The following HMCN1 variants were observed in gnomAD, a reference collection of about 807,000 sequenced individuals.
HMCN1 encodes the protein hemicentin 1, also known as hemicentin-1.
In HMCN1, 321 loss-of-function variants were observed where a neutral mutation model predicts 625.9. The observed-to-expected ratio is 0.51, with a 90% confidence interval of 0.47 to 0.56. HMCN1 has a LOEUF of 0.56. HMCN1 is among the 20% of genes least tolerant of loss of function. HMCN1 has a pLI of 0.00. For missense variants in HMCN1, 6,588 were observed against 6,887.3 expected (o/e 0.96, Z 1.54); for synonymous variants, 2,425 against 2,417.6 (o/e 1.00, Z -0.09).
In HMCN1 at chr1:185,922,485, G is replaced by A; in HGVS notation, c.1007G>A (p.Ser336Asn). The stretch of plus-strand genomic sequence containing the variant: ...ACCCTGGACTTCAAAAAAACAGTCA[G>A]CAGACCAGTGCAAGGTTTGTATGTG... Reference protein sequence around the residue: ...KPTLDFKKTVSRPVQGIPTYV... With the variant: ...KPTLDFKKTVNRPVQGIPTYV... Residue 336 changes from serine (S) to asparagine (N), a missense_variant, in exon 7 of 107, where the codon AGC becomes AAC. This residue lies in a region of HMCN1 where 4,628 missense variants were observed against 4,853.1 expected (regional missense o/e 0.95). Coordinates refer to ENST00000271588, the MANE Select transcript of HMCN1 (RefSeq NM_031935.3). 6.2e-7 allele frequency: 1 copy of A among 1,612,362 alleles called. No individual in the cohort carries two copies. Among genetic ancestry groups the A allele is most frequent in the Non-Finnish European group, 8.5e-7 (1 of 1,178,948 alleles).
rs1667682961 is a variant in HMCN1 at position 185,933,829 on chromosome 1, A to G, written c.1828+5A>G. 1 of 1,612,234 alleles carries G rather than the reference A, an allele frequency of 6.2e-7. No individual in the cohort carries two copies. Among genetic ancestry groups the G allele is most frequent in the Non-Finnish European group, 8.5e-7 (1 of 1,178,614 alleles). On this transcript the variant is annotated splice_donor_5th_base_variant and intron_variant, in intron 11 of 106. Coordinates refer to ENST00000271588, the MANE Select transcript of HMCN1 (RefSeq NM_031935.3). ...CAGTTTTCCTCACAGTGCAAGGTAC[A>G]GTGCTTTGGTAACTTCTGAATTATG...
intron 1 of HMCN1, among the ~76,000 whole-genome samples, chr1:185,814,014 G>A (rs890166497): frequency 2.6e-5 from 4 of 152,102 alleles, no homozygotes; most frequent in Non-Finnish European, 2.9e-5. Context: ...ATGTAAGCAC[G>A]TTTAGCTTAC....
chr1:185,797,256 G>A (rs1409319961), intron 1 of HMCN1, among the ~76,000 whole-genome samples: 1 of 151,928 alleles, frequency 6.6e-6, no homozygotes, highest in Non-Finnish European at 1.5e-5. Context: ...TTTGTCAGAT[G>A]CATACTTTGC....
intron 97 of HMCN1, among the ~76,000 whole-genome samples, chr1:186,154,292 A>G (rs1169076380): frequency 1.3e-5 from 2 of 152,208 alleles, no homozygotes; most frequent in African/African-American, 4.8e-5. Context: ...CTGTAATCCC[A>G]GCACTTTGGG....
Position 186,038,774 on chromosome 1 carries a change from T to A in HMCN1, c.5852-55T>A, listed in dbSNP as rs1373641049. On this transcript the variant is annotated intron_variant, in intron 37 of 106. Coordinates refer to ENST00000271588, the MANE Select transcript of HMCN1 (RefSeq NM_031935.3). ...GTGACTTAGCTAAGATCCAACTTAG[T>A]ATATTTAATTTAAAAAATTTTTACA... is the stretch of plus-strand genomic sequence containing the variant. 7 of 966,800 alleles carry A rather than the reference T, an allele frequency of 7.2e-6. No individual in the cohort carries two copies. In the East Asian group the frequency reaches 1.7e-4, roughly 23 times the overall value. The allele number at this position is 966,800 out of a possible 1,614,324, so 59.9% of individuals were successfully genotyped here. A position where few individuals can be genotyped will look rare whatever the true frequency, so the allele number is the denominator to read the frequency against.
chr1:186,135,997 A>G (rs1331813614), intron 86 of HMCN1, among the ~76,000 whole-genome samples: 1 of 152,168 alleles, frequency 6.6e-6, no homozygotes, highest in East Asian at 1.9e-4. Flanking sequence ...TATTGAATAA[A>G]TGATGGCCAG....
Position 186,120,114 on chromosome 1 carries a change from A to G in HMCN1, c.12198A>G (p.Thr4066=). ...GTGTGGCCCAGAACCCGGCTGGTAC[A>G]GCCTTGGGCAAAATCAAGTTAAATG... ...YMCVAQNPAG[T]ALGKIKLNVQ... is the part of the protein sequence containing the mutation. Residue 4066 remains threonine (T), a synonymous_variant, in exon 80 of 107, where the codon ACA becomes ACG. Transcript: ENST00000271588. 3 of 1,614,010 alleles carry G rather than the reference A, an allele frequency of 1.9e-6. No homozygotes were observed. Among genetic ancestry groups the G allele is most frequent in the Non-Finnish European group, 2.5e-6 (3 of 1,179,948 alleles).
rs1211455574 is a variant in HMCN1, at chr1:186,189,652, G to A, written c.16682G>A (p.Gly5561Glu). ...LIRLVAYTQD[G>E]VMHPRTTFLM... Reference sequence around the variant, plus strand: ...CGGCTGGTTGCATACACACAGGATGGAGTGATGCATCCCAGGACAACTTTC... The same window carrying A: ...CGGCTGGTTGCATACACACAGGATGAAGTGATGCATCCCAGGACAACTTTC... The change falls in exon 107 of 107, where the codon GGA becomes GAA. Residue 5561 changes from glycine (G) to glutamate (E), a missense_variant. Physicochemically the swap from Gly to Glu is moderately conservative, Grantham distance 98 (BLOSUM62 -2). Transcript: ENST00000271588. The A allele has an allele frequency of 6.2e-7, 1 of 1,612,222 alleles. No homozygotes were observed. Among genetic ancestry groups the A allele is most frequent in the Non-Finnish European group, 8.5e-7 (1 of 1,178,822 alleles).
intron 15 of HMCN1, among the ~76,000 whole-genome samples, chr1:185,973,491 A>C (rs1056916148): frequency 6.6e-6 from 1 of 152,094 alleles, no homozygotes; most frequent in South Asian, 2.1e-4. Context: ...TAAGTAGCTT[A>C]TGACTTAGGA....
At chr1:185,916,901 G>C (rs1469605061) in intron 6 of HMCN1, among the ~76,000 whole-genome samples, 1 of 152,104 alleles carries the variant, frequency 6.6e-6, no homozygotes, top group South Asian at 2.1e-4. Context: ...GTCACTTAAT[G>C]AGGAAAAAAC....
chr1:186,094,642 A>G (rs569136293), intron 67 of HMCN1, among the ~76,000 whole-genome samples: 1 of 152,280 alleles, frequency 6.6e-6, no homozygotes, highest in South Asian at 2.1e-4. Flanking sequence ...CAGACACAAG[A>G]CCAGTCTTTT....
At chr1:186,018,035 CT>C in intron 33 of HMCN1, 147 bp from the exon 34 acceptor site, 1 of 752,960 alleles carries the variant, frequency 1.3e-6, no homozygotes, top group Non-Finnish European at 2.2e-6. Flanking sequence ...GCCGGGTTTC[CT>C]TTTTGCTTCT....
intron 11 of HMCN1, among the ~76,000 whole-genome samples, chr1:185,944,522 A>G (rs1183779974): frequency 6.6e-6 from 1 of 152,226 alleles, no homozygotes; most frequent in Non-Finnish European, 1.5e-5. Context: ...GATGGAAATG[A>G]CAGCATTGTG....
At chr1:185,912,916 T>A (rs1666509488) in intron 6 of HMCN1, among the ~76,000 whole-genome samples, 1 of 152,144 alleles carries the variant, frequency 6.6e-6, no homozygotes, top group African/African-American at 2.4e-5. Flanking sequence ...ACATAAAAAA[T>A]GGAATTAATG....
In HMCN1 at chr1:186,082,658, A is replaced by C. The variant is rs1323983218; in HGVS notation, c.8788-207A>C. 2.6e-5 allele frequency among the ~76,000 whole-genome samples: 4 copies of C among 152,176 alleles called. No individual in the cohort carries two copies. In the South Asian group the frequency reaches 8.3e-4, roughly 31 times the overall value. ...TCTAGTCAACATACCACAAATATGT[A>C]TAGAATTACCTCTCCTGATTAAAAA... On this transcript the variant is annotated intron_variant, in intron 56 of 106. Coordinates refer to ENST00000271588, the MANE Select transcript of HMCN1 (RefSeq NM_031935.3).
intron 9 of HMCN1, among the ~76,000 whole-genome samples, chr1:185,926,090 T>C (rs1667262413): frequency 6.6e-6 from 1 of 152,198 alleles, no homozygotes; most frequent in African/African-American, 2.4e-5. Context: ...TAAGCAAACC[T>C]TGAAAACTGG....
At chr1:185,859,694 C>T (rs919880727) in intron 2 of HMCN1, among the ~76,000 whole-genome samples, 3 of 151,934 alleles carry the variant, frequency 2.0e-5, no homozygotes, top group African/African-American at 4.8e-5. Flanking sequence ...AATGGAGTCT[C>T]GCTGGGAGTC....
intron 49 of HMCN1, 102 bp from the exon 50 acceptor site, chr1:186,067,732 C>T (rs1658219258): frequency 1.3e-6 from 1 of 770,822 alleles, no homozygotes; most frequent in Non-Finnish European, 2.2e-6. Flanking sequence ...TCTGTAACTG[C>T]TAGGGAATGA....
chr1:185,840,703 T>G (rs1661424994), intron 1 of HMCN1, among the ~76,000 whole-genome samples: 1 of 152,218 alleles, frequency 6.6e-6, no homozygotes, highest in African/African-American at 2.4e-5. Context: ...AGTTTTCAAC[T>G]GTGGTAGAGC....
Sources: gnomAD v4.1 joint callset for allele counts (sites outside exome capture counted in the v4.1 genomes callset) on GRCh38, gnomAD v4.1.1 for gene constraint, gnomAD v4.1.1 regional missense constraint, MANE v1.5 for transcripts, NCBI Gene and HGNC (gene_info 2026-07-23, HGNC 2026-07-21) for gene names.